PGBD5: variants seen among roughly 807,000 people sequenced by gnomAD.
PGBD5 encodes piggyBac transposable element derived 5, also known as piggyBac transposable element-derived protein 5.
PGBD5 carries 14 observed loss-of-function variants against 47.9 expected under a neutral mutation model. The observed-to-expected ratio is 0.29, with a 90% confidence interval of 0.19 to 0.46. The LOEUF (loss-of-function observed/expected upper bound fraction) is 0.46. Among genes scored for constraint, PGBD5 ranks in the 20% least tolerant of loss-of-function variants. The pLI is 1.00. For synonymous variants in PGBD5, 316 were observed against 306.3 expected (o/e 1.03, Z -0.33); for missense variants, 635 against 716.0 (o/e 0.89, Z 1.29).
intron 4 of PGBD5, among the ~76,000 whole-genome samples, chr1:230,334,283 C>A (rs1484429820): frequency 6.6e-6 from 1 of 152,192 alleles, no homozygotes; most frequent in Non-Finnish European, 1.5e-5. Flanking sequence ...TCAAGCTACT[C>A]TCATCTAGAG....
At chr1:230,367,304 C>T (rs1667851021) in intron 1 of PGBD5, among the ~76,000 whole-genome samples, 1 of 152,188 alleles carries the variant, frequency 6.6e-6, no homozygotes, top group Non-Finnish European at 1.5e-5. Flanking sequence ...TGTACCATGG[C>T]ACACGTCCTC....
intron 3 of PGBD5, among the ~76,000 whole-genome samples, chr1:230,343,596 G>T (rs1427311156): frequency 1.3e-5 from 2 of 152,128 alleles, no homozygotes; most frequent in Non-Finnish European, 2.9e-5. Context: ...ACCTGGACAG[G>T]ATCTCATGCC....
At position 230,321,720 on chromosome 1, in the gene PGBD5, GT is replaced by G. The variant is rs750055699; in HGVS notation, c.*1704del. On this transcript the variant is annotated 3_prime_UTR_variant, in exon 7 of 7. Coordinates refer to ENST00000391860, the MANE Select transcript of PGBD5 (RefSeq NM_001258311.2). ...AGAAAATTCATCAGCTTTCATTAGA[GT>G]CTCCTTAAGTGTTGGAAACACATTA... 6.5e-6 allele frequency: 1 copy of G among 152,758 alleles called. No homozygotes were observed. Among genetic ancestry groups the G allele is most frequent in the East Asian group, 1.9e-4 (1 of 5,190 alleles). 9.5% of individuals were successfully genotyped at this position (152,758 alleles called of 1,614,324 possible).
chr1:230,335,560 T>TACAGACAC, intron 4 of PGBD5, among the ~76,000 whole-genome samples: 1 of 1,222 alleles, frequency 8.2e-4, no homozygotes, highest in African/African-American at 1.1e-3. Context: ...CACACAGACT[T>TACAGACAC]ACAGACACAC....
At chr1:230,362,073 G>C (rs1476855399) in intron 1 of PGBD5, among the ~76,000 whole-genome samples, 1 of 152,356 alleles carries the variant, frequency 6.6e-6, no homozygotes, top group East Asian at 1.9e-4. Flanking sequence ...GGGGCATGAG[G>C]GTCTGGTCAC....
At chr1:230,372,914 T>C (rs1216933222) in intron 1 of PGBD5, among the ~76,000 whole-genome samples, 3 of 152,064 alleles carry the variant, frequency 2.0e-5, no homozygotes, top group African/African-American at 7.2e-5. Context: ...TGCGTCCCCC[T>C]CTCTACATAT....
At chr1:230,327,210 T>A (rs1261598101) in intron 5 of PGBD5, among the ~76,000 whole-genome samples, 2 of 151,668 alleles carry the variant, frequency 1.3e-5, no homozygotes, top group Admixed American at 6.6e-5. Flanking sequence ...AGTGCCATTT[T>A]TCTGTATTTT....
At chr1:230,391,417 T>C (rs1049984385) in intron 1 of PGBD5, among the ~76,000 whole-genome samples, 5 of 152,216 alleles carry the variant, frequency 3.3e-5, no homozygotes, top group African/African-American at 9.6e-5. Flanking sequence ...AGGGATGTAA[T>C]AGAGGTTTTA....
intron 1 of PGBD5, among the ~76,000 whole-genome samples, chr1:230,423,055 A>G (rs1424340733): frequency 6.6e-6 from 1 of 152,066 alleles, no homozygotes. Flanking sequence ...TAGCACAAGC[A>G]ATACACATTT....
intron 1 of PGBD5, among the ~76,000 whole-genome samples, chr1:230,359,965 AT>A (rs1667717885): frequency 6.6e-6 from 1 of 152,176 alleles, no homozygotes; most frequent in Non-Finnish European, 1.5e-5. Flanking sequence ...ATGAGGGCCG[AT>A]TCCGCAGGTG....
intron 1 of PGBD5, among the ~76,000 whole-genome samples, chr1:230,401,796 G>A (rs538302696): frequency 6.6e-5 from 10 of 152,274 alleles, no homozygotes; most frequent in Admixed American, 3.9e-4. Context: ...GCTTGGAGGC[G>A]CCCTGGCAAC....
chr1:230,332,580 T>C (rs1433653894), intron 5 of PGBD5, among the ~76,000 whole-genome samples: 1 of 152,242 alleles, frequency 6.6e-6, no homozygotes. Context: ...CCGTGGTGGC[T>C]TGAGCCACCT....
rs1354573085 is a variant in PGBD5, at chr1:230,357,421, G to A, written c.332-100C>T. 9.1e-6 allele frequency: 12 copies of A among 1,324,178 alleles called. No individual in the cohort carries two copies. The highest frequency in any genetic ancestry group is 1.1e-5 in the Non-Finnish European group (11 of 965,174). 82.0% of individuals were successfully genotyped at this position (1,324,178 alleles called of 1,614,324 possible). On this transcript the variant is annotated intron_variant, in intron 1 of 6. Coordinates refer to ENST00000391860, the MANE Select transcript of PGBD5 (RefSeq NM_001258311.2). The surrounding 1 kb of genome is among the most constrained non-coding windows in gnomAD (Gnocchi z 5.7). ...TTCCAATCCCTGGGTCCCTGGCCGAGTGCCCCCGCTGCCTCCAGTGCTACC... is the reference window on the plus strand; with the variant it reads ...TTCCAATCCCTGGGTCCCTGGCCGAATGCCCCCGCTGCCTCCAGTGCTACC...
intron 1 of PGBD5, among the ~76,000 whole-genome samples, chr1:230,380,782 A>G (rs918136480): frequency 2.6e-5 from 4 of 152,246 alleles, no homozygotes; most frequent in African/African-American, 9.6e-5. Flanking sequence ...CTTGGGCTCA[A>G]TCACAGCTTG....
chr1:230,399,924 G>A (rs1187603178), intron 1 of PGBD5, among the ~76,000 whole-genome samples: 1 of 152,230 alleles, frequency 6.6e-6, no homozygotes, highest in Non-Finnish European at 1.5e-5. Flanking sequence ...GGTTATGGCG[G>A]GAGCCAGATC....
rs1364441598 is a variant in PGBD5, at chr1:230,425,362, G to A, written c.331+236C>T. 6.6e-6 allele frequency among the ~76,000 whole-genome samples: 1 copy of A among 152,190 alleles called. No individual in the cohort carries two copies. The highest frequency in any genetic ancestry group is 2.4e-5 in the African/African-American group (1 of 41,450). ...GGAAGTGAAGGAAAAGGTCCCCGACGACATTGTCACTGGAAAAGTGCTGGC... is the reference window on the plus strand; with the variant it reads ...GGAAGTGAAGGAAAAGGTCCCCGACAACATTGTCACTGGAAAAGTGCTGGC... On this transcript the variant is annotated intron_variant, in intron 1 of 6. Transcript: ENST00000391860. The surrounding 1 kb of genome is among the most constrained non-coding windows in gnomAD (Gnocchi z 4.7).
rs79712237 is a variant in PGBD5 at position 230,372,152 on chromosome 1, C to G, written c.332-14831G>C. ...AAATGCATTTCTAATGTCATCAGCC[C>G]AGAAAAGAACAAGCTGAAGGTGTTT... On this transcript the variant is annotated intron_variant, in intron 1 of 6. Coordinates refer to ENST00000391860, the MANE Select transcript of PGBD5 (RefSeq NM_001258311.2). Among the ~76,000 whole-genome samples, 1,056 of 152,310 alleles carry G rather than the reference C, an allele frequency of 6.9e-3. 12 individuals carry two copies. Among genetic ancestry groups the G allele is most frequent in the African/African-American group, 0.024 (1,010 of 41,552 alleles).
intron 3 of PGBD5, among the ~76,000 whole-genome samples, chr1:230,350,591 T>C (rs1667545871): frequency 6.6e-6 from 1 of 152,190 alleles, no homozygotes; most frequent in Non-Finnish European, 1.5e-5. Context: ...CCAAAAGTCT[T>C]GAGGGACAGC....
chr1:230,346,134 C>G (rs571122345), intron 3 of PGBD5, among the ~76,000 whole-genome samples: 1 of 152,252 alleles, frequency 6.6e-6, no homozygotes, highest in South Asian at 2.1e-4. Flanking sequence ...CTTGATCTCC[C>G]AGGCTCAAGG....
Sources: allele counts gnomAD v4.1 joint callset (sites outside exome capture counted in the v4.1 genomes callset), GRCh38; gene constraint gnomAD v4.1.1; non-coding constraint Gnocchi (gnomAD v3.1); transcripts MANE v1.5; gene names NCBI Gene and HGNC (gene_info 2026-07-23, HGNC 2026-07-21).